Variants in KNTC1 observed in about 807,000 individuals in gnomAD.
KNTC1 encodes kinetochore associated 1.
KNTC1 carries 253 observed loss-of-function variants against 314.4 expected under a neutral mutation model. The observed-to-expected ratio is 0.80, with a 90% CI of 0.73 to 0.89. The LOEUF is 0.89. Ranked by LOEUF, KNTC1 falls within the 40% of genes least tolerant of loss-of-function variation. The pLI is 0.00. For synonymous variants in KNTC1, 901 were observed against 901.4 expected, an observed-to-expected ratio of 1.00 and a Z score of 0.01; for missense variants, 2,475 against 2,572.9, an observed-to-expected ratio of 0.96 and a Z score of 0.82.
chr12:122,585,609 C>T (rs1405487839), intron 36 of KNTC1, 27 bp from the exon 37 acceptor site: 8 of 1,612,454 alleles, frequency 5.0e-6, no homozygotes, highest in Non-Finnish European at 6.8e-6. Flanking sequence ...ACTGAGTTCT[C>T]TCTTTTTTGT....
chr12:122,569,982 A>AGGAG (rs1198951640), intron 22 of KNTC1, among the ~76,000 whole-genome samples, 158 bp downstream of exon 22: 1 of 152,232 alleles, frequency 6.6e-6, no homozygotes, highest in Non-Finnish European at 1.5e-5. Context: ...GTGATTCAGA[A>AGGAG]GGAGATGTTA....
At chr12:122,594,183 G>A in intron 42 of KNTC1, 93 bp from the exon 43 acceptor site, 1 of 713,016 alleles carries the variant, frequency 1.4e-6, no homozygotes, top group East Asian at 2.5e-5. Flanking sequence ...TTTGAAAAAG[G>A]ATACTAAGAA....
rs1181993953 is a variant in KNTC1, at chr12:122,587,878, T to C, written c.3894+4T>C. On this transcript the variant is annotated splice_donor_region_variant and intron_variant, in intron 39 of 63. Coordinates refer to ENST00000333479, the MANE Select transcript of KNTC1 (RefSeq NM_014708.6). Reference sequence around the variant, plus strand: ...GAATGCCACTTTGAGTGAAAAGGTATAGTGTCAAGAACAAATACTTTGACT... The same window carrying C: ...GAATGCCACTTTGAGTGAAAAGGTACAGTGTCAAGAACAAATACTTTGACT... 1.2e-5 allele frequency: 19 copies of C among 1,612,250 alleles called. No individual in the cohort carries two copies. Among genetic ancestry groups the C allele is most frequent in the Admixed American group, 1.7e-5 (1 of 59,764 alleles).
intron 6 of KNTC1, among the ~76,000 whole-genome samples, chr12:122,542,564 A>T (rs1192796503): frequency 6.6e-6 from 1 of 152,122 alleles, no homozygotes; most frequent in Non-Finnish European, 1.5e-5. Context: ...TTGGGAGTGC[A>T]AGACCAGCCT....
chr12:122,570,919 A>G lies in KNTC1; in HGVS notation c.1904A>G (p.Glu635Gly). Residue 635 changes from glutamate to glycine, a missense_variant, in exon 23 of 64, where the codon GAA becomes GGA. Physicochemically the swap from Glu to Gly is moderately conservative, Grantham distance 98 (BLOSUM62 -2). Transcript: ENST00000333479. ...TTGGAACAAGCAGCCAGGAACCTTG[A>G]ATTAACTGATAAGGTAATACTGATT... The part of the protein sequence containing the change: ...KWLEQAARNL[E>G]LTDKANWPEN... The G allele has an allele frequency of 6.4e-7, 1 of 1,569,574 alleles. No homozygotes were observed. The highest frequency in any genetic ancestry group is 8.7e-7 in the Non-Finnish European group (1 of 1,154,112).
intron 43 of KNTC1, among the ~76,000 whole-genome samples, chr12:122,596,302 T>C (rs1411357744): frequency 6.6e-6 from 1 of 151,926 alleles, no homozygotes. Flanking sequence ...AGGCTGGTCT[T>C]GAACTCCTGA....
intron 5 of KNTC1, among the ~76,000 whole-genome samples, chr12:122,541,042 G>A (rs1030546128): frequency 6.6e-6 from 1 of 151,934 alleles, no homozygotes; most frequent in Non-Finnish European, 1.5e-5. Flanking sequence ...GTGTTGGTGT[G>A]TGTCTGTAGT....
chr12:122,530,063 C>T lies in KNTC1; in HGVS notation c.-1C>T. On this transcript the variant is annotated 5_prime_UTR_variant, in exon 2 of 64. Coordinates refer to ENST00000333479, the MANE Select transcript of KNTC1 (RefSeq NM_014708.6). Reference sequence around the variant, plus strand: ...TGACTCAGGAAGACAGTCTCAGAAACATGTGGAATGATATTGAGCTGCTAA... The same window carrying T: ...TGACTCAGGAAGACAGTCTCAGAAATATGTGGAATGATATTGAGCTGCTAA... 2.5e-6 allele frequency: 4 copies of T among 1,613,178 alleles called. No homozygotes were observed. The highest frequency in any genetic ancestry group is 2.2e-5 in the East Asian group (1 of 44,850).
rs1873434812 is a variant in KNTC1 at position 122,613,706 on chromosome 12, G to A, written c.5822G>A (p.Ser1941Asn). 2.5e-6 allele frequency: 4 copies of A among 1,613,004 alleles called. No individual in the cohort carries two copies. Among genetic ancestry groups the A allele is most frequent in the Non-Finnish European group, 2.5e-6 (3 of 1,179,548 alleles). Residue 1941 changes from serine (S) to asparagine (N), a missense_variant, in exon 55 of 64, where the codon AGT becomes AAT. Physicochemically the swap from Ser to Asn is conservative, Grantham distance 46. Coordinates refer to ENST00000333479, the MANE Select transcript of KNTC1 (RefSeq NM_014708.6). ...ATCACATATGAATTATTTTGCAGCA[G>A]TCCTAAAGAAGGAATGATTAAGGGT... ...IPITYELFCS[S>N]PKEGMIKGLW...
chr12:122,547,432 G>C lies in KNTC1; in HGVS notation c.834G>C (p.Trp278Cys). The change falls in exon 11 of 64, where the codon TGG becomes TGC. Residue 278 changes from tryptophan to cysteine, a missense_variant. Trp to Cys is a radical substitution (Grantham distance 215). Transcript: ENST00000333479. ...VLDTDNVLSL[W>C]DIYTLTPVWN... ...TATTGCAGAACGTGCTGAGTTTATG[G>C]GATATTTACACTCTAACTCCTGTAT... 6.2e-7 allele frequency: 1 copy of C among 1,608,674 alleles called. No individual in the cohort carries two copies.
At chr12:122,592,120 G>C (rs938817743) in intron 42 of KNTC1, among the ~76,000 whole-genome samples, 30 of 152,198 alleles carry the variant, frequency 2.0e-4, no homozygotes, top group Non-Finnish European at 4.0e-4. Context: ...CACTCGGAGC[G>C]GCCGGCCGGC....
rs2137846397 is a variant in KNTC1, at chr12:122,561,922, T to A, written c.1490T>A (p.Leu497His). 2 of 1,573,526 alleles carry A rather than the reference T, an allele frequency of 1.3e-6. No individual in the cohort carries two copies. Among genetic ancestry groups the A allele is most frequent in the Admixed American group, 3.4e-5 (2 of 58,880 alleles). Residue 497 changes from leucine (L) to histidine (H), a missense_variant and splice_region_variant, in exon 19 of 64, where the codon CTT (leucine) becomes CAT (histidine). By Grantham distance (99) the Leu-to-His change is moderately conservative. Coordinates refer to ENST00000333479, the MANE Select transcript of KNTC1 (RefSeq NM_014708.6). ...GTATTTCTTATTATTCTTACTTAGCTTTTGAAGAAAGAAGATAAAACTGCT... is the reference window on the plus strand; with the variant it reads ...GTATTTCTTATTATTCTTACTTAGCATTTGAAGAAAGAAGATAAAACTGCT... ...QEMLNYAKTRLLKKEDKTALI... is the reference protein window; with the variant it reads ...QEMLNYAKTRHLKKEDKTALI...
chr12:122,544,086 C>T, intron 7 of KNTC1, 73 bp from the exon 8 acceptor site: 1 of 630,176 alleles, frequency 1.6e-6, no homozygotes, highest in South Asian at 2.4e-5. Flanking sequence ...TGATTGATAT[C>T]AACTGATTTT....
intron 1 of KNTC1, 165 bp downstream of exon 1, chr12:122,527,516 G>A (rs1960795939): frequency 6.6e-6 from 1 of 152,518 alleles, no homozygotes; most frequent in Admixed American, 6.5e-5. Flanking sequence ...TTTAAGTATG[G>A]AGGCCTAACT....
intron 5 of KNTC1, 37 bp from the exon 6 acceptor site, chr12:122,542,013 C>CAA: frequency 6.7e-7 from 1 of 1,481,964 alleles, no homozygotes; most frequent in Non-Finnish European, 9.0e-7. Flanking sequence ...GACTCCATCT[C>CAA]AAAAAAAAGA....
chr12:122,564,118 C>A (rs1964154740), intron 20 of KNTC1, among the ~76,000 whole-genome samples: 1 of 152,110 alleles, frequency 6.6e-6, no homozygotes, highest in Non-Finnish European at 1.5e-5. Context: ...ACTGGGATTA[C>A]AGGCACCCGC....
At chr12:122,618,187 G>A (rs1221157625) in intron 57 of KNTC1, among the ~76,000 whole-genome samples, 156 bp from the exon 58 acceptor site, 1 of 152,042 alleles carries the variant, frequency 6.6e-6, no homozygotes, top group African/African-American at 2.4e-5. Context: ...GGCCAGGCTG[G>A]TTTCGAACTC....
rs1410700223 is a variant in KNTC1 at position 122,618,521 on chromosome 12, CT to C, written c.6126del (p.Glu2043ArgfsTer17). On this transcript the variant is annotated frameshift_variant, in exon 59 of 64. Transcript: ENST00000333479. LOFTEE classifies it high-confidence loss of function. ...AGTCCTGATCAGCTGTCAGATTGTT[CT>C]GAGAGTCTCATCGCTGTCCTCGAGT... Reference protein sequence around the residue: ...PLSPDQLSDCSESLIAVLECP... With the variant: ...PLSPDQLSDCXESLIAVLECP... 6.2e-7 allele frequency: 1 copy of C among 1,607,052 alleles called. No individual in the cohort carries two copies. Among genetic ancestry groups the C allele is most frequent in the African/African-American group, 1.4e-5 (1 of 73,126 alleles).
chr12:122,545,108 G>C (rs1007668483), intron 8 of KNTC1, among the ~76,000 whole-genome samples: 6 of 152,064 alleles, frequency 3.9e-5, no homozygotes, highest in Non-Finnish European at 7.3e-5. Context: ...TTTCATTATT[G>C]GTATGTCACT....
Sources: allele counts gnomAD v4.1 joint callset (sites outside exome capture counted in the v4.1 genomes callset), GRCh38; gene constraint gnomAD v4.1.1; transcripts MANE v1.5; gene names NCBI Gene and HGNC (gene_info 2026-07-23, HGNC 2026-07-21).